The following GTF2F1 variants were observed in gnomAD, a reference collection of about 807,000 sequenced individuals.
The protein encoded by GTF2F1 is general transcription factor IIF subunit 1.
A neutral mutation model predicts 63.5 loss-of-function variants in GTF2F1; 39 were observed. That is an observed-to-expected ratio of 0.61 (90% CI 0.48 to 0.80). GTF2F1 has a LOEUF of 0.80. Among genes scored for constraint, GTF2F1 ranks in the 30% least tolerant of loss-of-function variants. GTF2F1 has a pLI of 0.00. For missense variants in GTF2F1, 657 were observed against 718.3 expected (o/e 0.91, Z 0.97); for synonymous variants, 287 against 285.3 (o/e 1.01, Z -0.06).
Position 6,380,191 on chromosome 19 carries a change from C to T in GTF2F1, c.*90G>A. The T allele has an allele frequency of 9.2e-7, 1 of 1,081,954 alleles. No homozygotes were observed. Among genetic ancestry groups the T allele is most frequent in the Non-Finnish European group, 1.4e-6 (1 of 696,748 alleles). 67.0% of individuals were successfully genotyped at this position (1,081,954 alleles called of 1,614,324 possible). A position where few individuals can be genotyped will look rare whatever the true frequency, so the allele number is the denominator to read the frequency against. On this transcript the variant is annotated 3_prime_UTR_variant, in exon 13 of 13. Coordinates refer to ENST00000394456, the MANE Select transcript of GTF2F1 (RefSeq NM_002096.3). This position sits in a 1 kb window ranked among gnomAD's most constrained non-coding sequence, Gnocchi z 5.3. ...AGCCTGAAGTTCTGGAGGGCAGAGC[C>T]ATGTATTGGACAGAGCCTCACTCTA...
At chr19:6,391,736 A>G (rs1332398448) in intron 3 of GTF2F1, among the ~76,000 whole-genome samples, 166 bp downstream of exon 3, 1 of 152,096 alleles carries the variant, frequency 6.6e-6, no homozygotes, top group Non-Finnish European at 1.5e-5. Flanking sequence ...TACAGGTGTG[A>G]ACTACTGCAC....
chr19:6,381,561 C>G lies in GTF2F1; in HGVS notation c.891G>C (p.Gly297=), dbSNP rs1411055816. 6.2e-7 allele frequency: 1 copy of G among 1,613,158 alleles called. No homozygotes were observed. Among genetic ancestry groups the G allele is most frequent in the Non-Finnish European group, 8.5e-7 (1 of 1,180,028 alleles). The change falls in exon 8 of 13, where the codon GGG becomes GGC. Residue 297 remains glycine (G), a synonymous_variant. Coordinates refer to ENST00000394456, the MANE Select transcript of GTF2F1 (RefSeq NM_002096.3). This position sits in a 1 kb window ranked among gnomAD's most constrained non-coding sequence, Gnocchi z 4.1. ...CGCCCAGCCATCGCCTACCCTTGGG[C>G]CCCTCCTCCTGCTGCGGCGCCTTGG... The part of the protein sequence containing the change: ...SKAKAPQQEE[G]PKGVDEQSDS...
At chr19:6,392,954 A>AC (rs1568333009) in intron 1 of GTF2F1, 30 bp downstream of exon 1, 1 of 1,613,448 alleles carries the variant, frequency 6.2e-7, no homozygotes, top group Non-Finnish European at 8.5e-7. Flanking sequence ...CGCCGTCGGA[A>AC]CCCCCGAACC....
Position 6,381,566 on chromosome 19 carries a change from C to T in GTF2F1, c.886G>A (p.Glu296Lys), listed in dbSNP as rs1372137540. Residue 296 changes from glutamate to lysine, a missense_variant, in exon 8 of 13, where the codon GAG (glutamate) becomes AAG (lysine). By Grantham distance (56) the Glu-to-Lys change is moderately conservative. This residue lies in a region of GTF2F1 where 602 missense variants were observed against 625.6 expected (regional missense o/e 0.96). Transcript: ENST00000394456. This position sits in a 1 kb window ranked among gnomAD's most constrained non-coding sequence, Gnocchi z 4.1. ...AGCCATCGCCTACCCTTGGGCCCCT[C>T]CTCCTGCTGCGGCGCCTTGGCCTTG... ...ESKAKAPQQE[E>K]GPKGVDEQSD... is the part of the protein sequence containing the mutation. 1.2e-6 allele frequency: 2 copies of T among 1,613,516 alleles called. No homozygotes were observed. Among genetic ancestry groups the T allele is most frequent in the Admixed American group, 1.7e-5 (1 of 60,024 alleles).
chr19:6,387,510 TGTA>T lies in GTF2F1; in HGVS notation c.373_375del (p.Tyr125del). On this transcript the variant is annotated inframe_deletion, in exon 5 of 13. Transcript: ENST00000394456. The stretch of plus-strand genomic sequence containing the variant: ...GCCCCGTCGGGGCACTGGGTGAAGA[TGTA>T]GTAGGACGTGTTCTCTGTTACGCCT... The T allele has an allele frequency of 1.9e-6, 3 of 1,614,164 alleles. No homozygotes were observed. Among genetic ancestry groups the T allele is most frequent in the African/African-American group, 1.3e-5 (1 of 75,052 alleles).
At chr19:6,391,165 T>C (rs923076624) in intron 3 of GTF2F1, among the ~76,000 whole-genome samples, 20 of 152,190 alleles carry the variant, frequency 1.3e-4, no homozygotes, top group African/African-American at 4.8e-4. Flanking sequence ...ACCCACAGTT[T>C]GTCTCCCCAT....
Position 6,383,614 on chromosome 19 carries a change from G to A in GTF2F1, c.498-119C>T, listed in dbSNP as rs74736029. ...CCTTCAAGGTGATGTGGCCCCCGGG[G>A]ACTTGGGCTGTGGCACAGGACTCCC... On this transcript the variant is annotated intron_variant, in intron 5 of 12. Transcript: ENST00000394456. This position sits in a 1 kb window ranked among gnomAD's most constrained non-coding sequence, Gnocchi z 4.5. 1,027 of 1,059,624 alleles carry A rather than the reference G, an allele frequency of 9.7e-4. 6 individuals carry two copies. The African/African-American group carries it at 0.014, about 15-fold the overall frequency. 65.6% of individuals were successfully genotyped at this position (1,059,624 alleles called of 1,614,324 possible).
At chr19:6,387,771 G>A (rs1050998298) in intron 4 of GTF2F1, among the ~76,000 whole-genome samples, 1 of 150,690 alleles carries the variant, frequency 6.6e-6, no homozygotes, top group Non-Finnish European at 1.5e-5. Context: ...AGTGCTGGGC[G>A]TGTGCACATC....
intron 3 of GTF2F1, 27 bp from the exon 4 acceptor site, chr19:6,389,664 C>A: frequency 6.2e-7 from 1 of 1,605,330 alleles, no homozygotes; most frequent in Non-Finnish European, 8.5e-7. Flanking sequence ...CAAAGCCTCT[C>A]AGGGTCCCTG....
At chr19:6,389,000 G>A (rs575214459) in intron 4 of GTF2F1, among the ~76,000 whole-genome samples, 4 of 152,014 alleles carry the variant, frequency 2.6e-5, no homozygotes, top group African/African-American at 4.8e-5. Flanking sequence ...CCAGCACTAC[G>A]GGAGGCCGAG....
Position 6,391,648 on chromosome 19 carries a change from C to G in GTF2F1, c.132+254G>C, listed in dbSNP as rs565734419. Reference sequence around the variant, plus strand: ...ATTTTTTTGTAGAGTTGGGGTCTTGCTATTGTATTGCCCAGGCTGGTCTCA... The same window carrying G: ...ATTTTTTTGTAGAGTTGGGGTCTTGGTATTGTATTGCCCAGGCTGGTCTCA... On this transcript the variant is annotated intron_variant, in intron 3 of 12. Coordinates refer to ENST00000394456, the MANE Select transcript of GTF2F1 (RefSeq NM_002096.3). Among the ~76,000 whole-genome samples, 5 of 152,000 alleles carry G rather than the reference C, an allele frequency of 3.3e-5. No individual in the cohort carries two copies. In the South Asian group the frequency reaches 1.0e-3, roughly 32 times the overall value.
In GTF2F1 at chr19:6,383,512, G is replaced by C; in HGVS notation, c.498-17C>G. 2.5e-6 allele frequency: 4 copies of C among 1,608,486 alleles called. No individual in the cohort carries two copies. The highest frequency in any genetic ancestry group is 2.5e-6 in the Non-Finnish European group (3 of 1,176,948). On this transcript the variant is annotated splice_polypyrimidine_tract_variant and intron_variant, in intron 5 of 12. Transcript: ENST00000394456. This position sits in a 1 kb window ranked among gnomAD's most constrained non-coding sequence, Gnocchi z 4.5. ...TTGTTCCTCCTGCGGGCCAGGCACAGGGGGGCTCATGCCGGGCCTGGCACC... is the reference window on the plus strand; with the variant it reads ...TTGTTCCTCCTGCGGGCCAGGCACACGGGGGCTCATGCCGGGCCTGGCACC...
rs61290779 is a variant in GTF2F1, at chr19:6,389,266, C to CATAAATAAATAAATAA, written c.326+162_326+177dup. Among the ~76,000 whole-genome samples the CATAAATAAATAAATAA allele has an allele frequency of 6.1e-3, 926 of 151,106 alleles. 3 individuals carry two copies. Among genetic ancestry groups the CATAAATAAATAAATAA allele is most frequent in the Middle Eastern group, 0.01 (3 of 294 alleles). Reference sequence around the variant, plus strand: ...AATACAAGTAAGTAAAATAAGATAACATAAATAAATAAATAAATAAATAAA... The same window carrying CATAAATAAATAAATAA: ...AATACAAGTAAGTAAAATAAGATAACATAAATAAATAAATAAATAAATAAATAAATAAATAAATAAA... On this transcript the variant is annotated intron_variant, in intron 4 of 12. Coordinates refer to ENST00000394456, the MANE Select transcript of GTF2F1 (RefSeq NM_002096.3).
chr19:6,381,342 G>C lies in GTF2F1; in HGVS notation c.1018+17C>G. ...GCCCGACCCAAGCCTCCAATATGGG[G>C]GCCACATGCGCCGCACCTTTCCTGC... On this transcript the variant is annotated intron_variant, in intron 9 of 12. Transcript: ENST00000394456. The surrounding 1 kb of genome is among the most constrained non-coding windows in gnomAD (Gnocchi z 4.1). 1 of 1,568,168 alleles carries C rather than the reference G, an allele frequency of 6.4e-7. No individual in the cohort carries two copies. Among genetic ancestry groups the C allele is most frequent in the Non-Finnish European group, 8.6e-7 (1 of 1,156,262 alleles).
chr19:6,389,799 G>T, intron 3 of GTF2F1, 162 bp from the exon 4 acceptor site: 1 of 592,576 alleles, frequency 1.7e-6, no homozygotes, highest in Non-Finnish European at 3.0e-6. Context: ...GACAAATCTG[G>T]GTAAAGGGAA....
At chr19:6,382,503 T>C (rs1465028360) in intron 6 of GTF2F1, among the ~76,000 whole-genome samples, 1 of 151,800 alleles carries the variant, frequency 6.6e-6, no homozygotes, top group African/African-American at 2.4e-5. Flanking sequence ...TGGTGGTGCA[T>C]GCCTGTAGTC....
Position 6,380,442 on chromosome 19 carries a change from G to A in GTF2F1, c.1393C>T (p.Arg465Trp). 4 of 1,614,080 alleles carry A rather than the reference G, an allele frequency of 2.5e-6. No individual in the cohort carries two copies. The highest frequency in any genetic ancestry group is 3.4e-6 in the Non-Finnish European group (4 of 1,179,992). Residue 465 changes from arginine to tryptophan, a missense_variant, in exon 13 of 13, where the codon CGG becomes TGG. Physicochemically the swap from Arg to Trp is moderately radical, Grantham distance 101. Around this residue, in one of 2 missense-constraint regions of GTF2F1, gnomAD observed 55 missense variants for 92.6 expected, o/e 0.59. Transcript: ENST00000394456. This position sits in a 1 kb window ranked among gnomAD's most constrained non-coding sequence, Gnocchi z 5.3. ...AGGTCCTTAGTGGTCATGGGCTTCC[G>A]TGTCAGGTAGCGGCGCACGGCATCC... ...TEDAVRRYLT[R>W]KPMTTKDLLK...
In GTF2F1 at chr19:6,387,517, G is replaced by A. The variant is rs766374042; in HGVS notation, c.369C>T (p.Ser123=). The change falls in exon 5 of 13, where the codon TCC becomes TCT. Residue 123 remains serine (S), a synonymous_variant. Coordinates refer to ENST00000394456, the MANE Select transcript of GTF2F1 (RefSeq NM_002096.3). ...CGGGGCACTGGGTGAAGATGTAGTA[G>A]GACGTGTTCTCTGTTACGCCTCCCT... ...IKKGGVTENT[S]YYIFTQCPDG... is the part of the protein sequence containing the mutation. 1.9e-6 allele frequency: 3 copies of A among 1,614,174 alleles called. No individual in the cohort carries two copies. The highest frequency in any genetic ancestry group is 1.6e-4 in the Middle Eastern group (1 of 6,062).
Position 6,381,560 on chromosome 19 carries a change from G to A in GTF2F1, c.892C>T (p.Pro298Ser). ...CCGCCCAGCCATCGCCTACCCTTGGGCCCCTCCTCCTGCTGCGGCGCCTTG... is the reference window on the plus strand; with the variant it reads ...CCGCCCAGCCATCGCCTACCCTTGGACCCCTCCTCCTGCTGCGGCGCCTTG... Reference protein sequence around the residue: ...KAKAPQQEEGPKGVDEQSDSS... With the variant: ...KAKAPQQEEGSKGVDEQSDSS... Residue 298 changes from proline to serine, a missense_variant, in exon 8 of 13, where the codon CCC becomes TCC. Pro to Ser is a moderately conservative substitution (Grantham distance 74). Around this residue, in one of 2 missense-constraint regions of GTF2F1, gnomAD observed 602 missense variants for 625.6 expected, o/e 0.96. Coordinates refer to ENST00000394456, the MANE Select transcript of GTF2F1 (RefSeq NM_002096.3). This position sits in a 1 kb window ranked among gnomAD's most constrained non-coding sequence, Gnocchi z 4.1. 1 of 1,613,186 alleles carries A rather than the reference G, an allele frequency of 6.2e-7. No homozygotes were observed. Among genetic ancestry groups the A allele is most frequent in the Non-Finnish European group, 8.5e-7 (1 of 1,180,020 alleles).
Sources: gnomAD v4.1 joint callset for allele counts (sites outside exome capture counted in the v4.1 genomes callset) on GRCh38, gnomAD v4.1.1 for gene constraint, gnomAD v4.1.1 regional missense constraint, Gnocchi (gnomAD v3.1) non-coding constraint, MANE v1.5 for transcripts, NCBI Gene and HGNC (gene_info 2026-07-23, HGNC 2026-07-21) for gene names.